Variants in PID1 observed in about 807,000 individuals in gnomAD.
PID1 encodes phosphotyrosine interaction domain containing 1, also known as PTB-containing, cubilin and LRP1-interacting protein.
Under a neutral mutation model 19.1 loss-of-function variants are expected in PID1, and 10 were observed. The observed-to-expected ratio is 0.52, with a 90% CI of 0.32 to 0.89. The LOEUF (loss-of-function observed/expected upper bound fraction) is 0.89, where lower values mean the gene tolerates loss of function less well. Ranked by LOEUF, PID1 falls within the 40% of genes least tolerant of loss-of-function variation. PID1 has a pLI of 0.03. For missense variants in PID1, 248 were observed against 285.3 expected (o/e 0.87, Z 0.94); for synonymous variants, 130 against 116.0 (o/e 1.12, Z -0.78).
chr2:229,151,079 A>G (rs1185416124), intron 2 of PID1, among the ~76,000 whole-genome samples: 1 of 152,174 alleles, frequency 6.6e-6, no homozygotes, highest in East Asian at 1.9e-4. Flanking sequence ...GGAGTGTGTA[A>G]CAACTCACCT....
intron 2 of PID1, among the ~76,000 whole-genome samples, chr2:229,153,993 T>C (rs1436790454): frequency 6.6e-6 from 1 of 152,182 alleles, no homozygotes; most frequent in Non-Finnish European, 1.5e-5. Flanking sequence ...CTCATATCAC[T>C]TTCAAATTTA....
intron 2 of PID1, among the ~76,000 whole-genome samples, chr2:229,096,482 C>T (rs562087605): frequency 2.6e-5 from 4 of 152,252 alleles, no homozygotes; most frequent in African/African-American, 9.6e-5. Flanking sequence ...CCGTTTCATA[C>T]ACCTGAGGTC....
At chr2:229,111,122 A>G (rs1695290376) in intron 2 of PID1, among the ~76,000 whole-genome samples, 1 of 152,086 alleles carries the variant, frequency 6.6e-6, no homozygotes, top group Non-Finnish European at 1.5e-5. Flanking sequence ...GCCTTCCACC[A>G]TGATTATGAG....
At chr2:229,261,538 A>G (rs919191139) in intron 1 of PID1, among the ~76,000 whole-genome samples, 2 of 152,216 alleles carry the variant, frequency 1.3e-5, no homozygotes, top group African/African-American at 4.8e-5. Context: ...GCAGTGGGTG[A>G]ATCTGTGAAT....
rs530915145 is a variant in PID1, at chr2:229,105,940, G to GTGGT, written c.177+49874_177+49877dup. ...TAAAAATACAAAAAATTAGCCAGAT[G>GTGGT]TGGTGGCGCGTGCCTGTAGTCCCAG... On this transcript the variant is annotated intron_variant, in intron 2 of 2. Coordinates refer to ENST00000392055, the MANE Select transcript of PID1 (RefSeq NM_001100818.2). Among the ~76,000 whole-genome samples, 38 of 152,130 alleles carry GTGGT rather than the reference G, an allele frequency of 2.5e-4. No individual in the cohort carries two copies. In the East Asian group the frequency reaches 6.6e-3, roughly 26 times the overall value.
At chr2:229,208,342 C>A (rs930501224) in intron 1 of PID1, among the ~76,000 whole-genome samples, 2 of 152,236 alleles carry the variant, frequency 1.3e-5, no homozygotes, top group African/African-American at 4.8e-5. Context: ...CTTTATCTTG[C>A]ATCTTTTACC....
intron 2 of PID1, among the ~76,000 whole-genome samples, chr2:229,114,970 CAT>C (rs139451579): frequency 0.018 from 2,714 of 152,268 alleles, 49 homozygotes; most frequent in African/African-American, 0.045. Context: ...TCGTTTTTCA[CAT>C]GTTATTACTG....
chr2:229,113,424 A>G (rs1427784701), intron 2 of PID1, among the ~76,000 whole-genome samples: 1 of 122,816 alleles, frequency 8.1e-6, no homozygotes, highest in East Asian at 2.3e-4. Context: ...ATATATATAC[A>G]CACACATACA....
intron 2 of PID1, among the ~76,000 whole-genome samples, chr2:229,089,271 GA>G (rs1694825426): frequency 6.6e-6 from 1 of 152,164 alleles, no homozygotes; most frequent in Non-Finnish European, 1.5e-5. Flanking sequence ...AAAGGTGTCT[GA>G]AAACACTGGC....
At chr2:229,118,002 C>T (rs1240243248) in intron 2 of PID1, among the ~76,000 whole-genome samples, 1 of 152,120 alleles carries the variant, frequency 6.6e-6, no homozygotes, top group African/African-American at 2.4e-5. Flanking sequence ...TTCTGTCTCT[C>T]TCAATAGATT....
chr2:229,188,949 TGACAA>T (rs1266957251), intron 1 of PID1, among the ~76,000 whole-genome samples: 7 of 152,228 alleles, frequency 4.6e-5, no homozygotes, highest in Middle Eastern at 6.8e-3. Flanking sequence ...TTTTTCTCAA[TGACAA>T]TTACTGGTAA....
chr2:229,091,329 A>G (rs557458565), intron 2 of PID1, among the ~76,000 whole-genome samples: 27 of 151,726 alleles, frequency 1.8e-4, no homozygotes, highest in Non-Finnish European at 3.4e-4. Flanking sequence ...AGTCTATTCA[A>G]ATAAGTAAGA....
chr2:229,135,817 C>G (rs1292975372), intron 2 of PID1, among the ~76,000 whole-genome samples: 1 of 152,156 alleles, frequency 6.6e-6, no homozygotes, highest in Non-Finnish European at 1.5e-5. Flanking sequence ...AATCATGTGA[C>G]ATGCAGAACT....
chr2:229,148,866 A>G (rs1426360257), intron 2 of PID1, among the ~76,000 whole-genome samples: 3 of 152,144 alleles, frequency 2.0e-5, no homozygotes, highest in Non-Finnish European at 4.4e-5. Flanking sequence ...CTGAAACAAC[A>G]AAGGTTAGCT....
intron 1 of PID1, among the ~76,000 whole-genome samples, chr2:229,182,641 C>A (rs1483185255): frequency 6.6e-6 from 1 of 152,198 alleles, no homozygotes; most frequent in Non-Finnish European, 1.5e-5. Context: ...CCTCTCACGT[C>A]CCTTGGTCTT....
chr2:229,029,318 CAA>C (rs200650395), intron 2 of PID1, among the ~76,000 whole-genome samples: 60 of 107,760 alleles, frequency 5.6e-4, no homozygotes, highest in Admixed American at 6.4e-4. Flanking sequence ...TTTTTGAAGC[CAA>C]AAAAAAAAAA....
At chr2:229,234,673 A>C (rs1172405963) in intron 1 of PID1, among the ~76,000 whole-genome samples, 5 of 152,180 alleles carry the variant, frequency 3.3e-5, no homozygotes, top group African/African-American at 9.7e-5. Context: ...AATGTTCTCA[A>C]ATTTCAGGTA....
Position 229,068,412 on chromosome 2 carries a change from C to T in PID1, c.178-42304G>A, listed in dbSNP as rs1039238537. Among the ~76,000 whole-genome samples, 10 of 150,092 alleles carry T rather than the reference C, an allele frequency of 6.7e-5. No individual in the cohort carries two copies. The South Asian group carries it at 1.1e-3, about 16-fold the overall frequency. ...AAATGTCTTACAAAAGTAGACTGTC[C>T]GGGTGTAACGAATACTGCAGTTTGT... On this transcript the variant is annotated intron_variant, in intron 2 of 2. Transcript: ENST00000392055.
chr2:229,113,989 G>C (rs1270788103), intron 2 of PID1, among the ~76,000 whole-genome samples: 1 of 152,100 alleles, frequency 6.6e-6, no homozygotes, highest in Non-Finnish European at 1.5e-5. Context: ...GCAGCTGAAG[G>C]CCTTAATAGA....
Sources: allele counts gnomAD v4.1 joint callset (sites outside exome capture counted in the v4.1 genomes callset), GRCh38; gene constraint gnomAD v4.1.1; transcripts MANE v1.5; gene names NCBI Gene and HGNC (gene_info 2026-07-23, HGNC 2026-07-21).